The following NXPH1 variants were observed in gnomAD, a reference collection of about 807,000 sequenced individuals.
NXPH1 encodes the protein neurexophilin 1, also known as neurexophilin-1.
NXPH1 carries 5 observed loss-of-function variants against 23.7 expected under a neutral mutation model. The ratio of observed to expected loss-of-function variants is 0.21; its 90% CI spans 0.11 to 0.44. The LOEUF is 0.44. Among genes scored for constraint, NXPH1 ranks in the 20% least tolerant of loss-of-function variants. The pLI is 0.99. For synonymous variants in NXPH1, 144 were observed against 122.2 expected (o/e 1.18, Z -1.18); for missense variants, 324 against 321.6 (o/e 1.01, Z -0.06).
At chr7:8,593,502 G>A (rs1043674578) in intron 2 of NXPH1, among the ~76,000 whole-genome samples, 2 of 152,004 alleles carry the variant, frequency 1.3e-5, no homozygotes, top group East Asian at 3.9e-4. Flanking sequence ...GGAATAAATT[G>A]CCCCCTAGTC....
intron 2 of NXPH1, among the ~76,000 whole-genome samples, chr7:8,523,424 AT>A: frequency 6.6e-6 from 1 of 152,312 alleles, no homozygotes; most frequent in Middle Eastern, 3.4e-3. Context: ...TAACTGAAGG[AT>A]TTGATAAATA....
intron 2 of NXPH1, among the ~76,000 whole-genome samples, chr7:8,555,637 T>C (rs1004414756): frequency 6.6e-6 from 1 of 151,694 alleles, no homozygotes; most frequent in African/African-American, 2.4e-5. Context: ...TGCTGACCTC[T>C]TGTCCAATCT....
chr7:8,715,435 A>G (rs934675858), intron 2 of NXPH1, among the ~76,000 whole-genome samples: 1 of 151,292 alleles, frequency 6.6e-6, no homozygotes, highest in African/African-American at 2.4e-5. Context: ...TTGTGTAGAT[A>G]GTTGTTAAAT....
At chr7:8,586,487 G>A (rs527287819) in intron 2 of NXPH1, among the ~76,000 whole-genome samples, 1 of 152,130 alleles carries the variant, frequency 6.6e-6, no homozygotes, top group South Asian at 2.1e-4. Flanking sequence ...ATACTGTGAT[G>A]GTCAGAGAAG....
At chr7:8,587,199 G>T (rs1818997484) in intron 2 of NXPH1, among the ~76,000 whole-genome samples, 1 of 152,024 alleles carries the variant, frequency 6.6e-6, no homozygotes, top group Non-Finnish European at 1.5e-5. Flanking sequence ...GAAAATAGTG[G>T]CTGTGCAATC....
At chr7:8,572,258 G>C (rs934062319) in intron 2 of NXPH1, among the ~76,000 whole-genome samples, 1 of 151,792 alleles carries the variant, frequency 6.6e-6, no homozygotes. Flanking sequence ...TATATATATT[G>C]CAGATATAAT....
intron 2 of NXPH1, among the ~76,000 whole-genome samples, chr7:8,691,187 C>T (rs1217553086): frequency 1.3e-5 from 2 of 151,914 alleles, no homozygotes; most frequent in Non-Finnish European, 2.9e-5. Flanking sequence ...CTCTTGTTGC[C>T]CAGGCTGGAG....
At chr7:8,724,902 G>A (rs545435423) in intron 2 of NXPH1, among the ~76,000 whole-genome samples, 1 of 152,278 alleles carries the variant, frequency 6.6e-6, no homozygotes, top group East Asian at 1.9e-4. Context: ...AAGAACCTGG[G>A]AATTGAGGAA....
chr7:8,647,887 A>G (rs1473105076), intron 2 of NXPH1, among the ~76,000 whole-genome samples: 2 of 151,634 alleles, frequency 1.3e-5, no homozygotes, highest in African/African-American at 4.8e-5. Context: ...TTTCCCTATG[A>G]CTGTGTTTAA....
At chr7:8,679,026 C>A (rs556938325) in intron 2 of NXPH1, among the ~76,000 whole-genome samples, 1 of 142,686 alleles carries the variant, frequency 7.0e-6, no homozygotes, top group African/African-American at 2.6e-5. Flanking sequence ...CGGCTCACTG[C>A]AAGCTCCGCC....
chr7:8,538,702 G>A (rs1341049317), intron 2 of NXPH1, among the ~76,000 whole-genome samples: 3 of 151,842 alleles, frequency 2.0e-5, no homozygotes, highest in Admixed American at 6.6e-5. Context: ...GTTATTACAC[G>A]TACTCTTGAA....
At chr7:8,441,259 T>G (rs1411658787) in intron 2 of NXPH1, among the ~76,000 whole-genome samples, 2 of 152,142 alleles carry the variant, frequency 1.3e-5, no homozygotes, top group Non-Finnish European at 2.9e-5. Flanking sequence ...CGCCTCCCTC[T>G]GCATTCTCTT....
chr7:8,733,016 A>G (rs571019034), intron 2 of NXPH1, among the ~76,000 whole-genome samples: 16 of 152,132 alleles, frequency 1.1e-4, no homozygotes, highest in Middle Eastern at 6.8e-3. Context: ...TCCTAATGCT[A>G]TCCCTCCCCT....
intron 2 of NXPH1, among the ~76,000 whole-genome samples, chr7:8,460,204 T>C (rs938087651): frequency 6.6e-6 from 1 of 152,188 alleles, no homozygotes; most frequent in Non-Finnish European, 1.5e-5. Flanking sequence ...AAATTTGTGC[T>C]TGCTTAAGCA....
chr7:8,470,209 T>A (rs891451915), intron 2 of NXPH1, among the ~76,000 whole-genome samples: 3 of 152,124 alleles, frequency 2.0e-5, no homozygotes, highest in Admixed American at 1.3e-4. Context: ...CCATTTACAC[T>A]GTACTTTTAT....
intron 2 of NXPH1, among the ~76,000 whole-genome samples, chr7:8,499,176 G>A (rs1817389906): frequency 6.6e-6 from 1 of 152,040 alleles, no homozygotes; most frequent in South Asian, 2.1e-4. Context: ...TACCAAGCAG[G>A]AAAGGATGAT....
At chr7:8,636,329 C>T (rs566594277) in intron 2 of NXPH1, among the ~76,000 whole-genome samples, 2 of 152,314 alleles carry the variant, frequency 1.3e-5, no homozygotes, top group Admixed American at 1.3e-4. Flanking sequence ...ATCTGTAGAA[C>T]TGTCTTCCAG....
At chr7:8,665,199 A>C (rs1820740921) in intron 2 of NXPH1, among the ~76,000 whole-genome samples, 3 of 151,980 alleles carry the variant, frequency 2.0e-5, no homozygotes, top group Non-Finnish European at 4.4e-5. Flanking sequence ...ATTTTTGTAA[A>C]TGGTGTAAGA....
At chr7:8,547,207 T>C (rs1818209899) in intron 2 of NXPH1, among the ~76,000 whole-genome samples, 1 of 151,474 alleles carries the variant, frequency 6.6e-6, no homozygotes, top group South Asian at 2.1e-4. Context: ...ACAAGGTTAT[T>C]GGAAGTGTGA....
Sources: gnomAD v4.1 joint callset for allele counts (sites outside exome capture counted in the v4.1 genomes callset) on GRCh38, gnomAD v4.1.1 for gene constraint, MANE v1.5 for transcripts, NCBI Gene and HGNC (gene_info 2026-07-23, HGNC 2026-07-21) for gene names.